The following TP53I13 variants were observed in gnomAD, a reference collection of about 807,000 sequenced individuals.
TP53I13 encodes tumor protein p53-inducible protein 13.
Under a neutral mutation model 39.1 loss-of-function variants are expected in TP53I13, and 27 were observed. The ratio of observed to expected loss-of-function variants is 0.69; its 90% CI spans 0.51 to 0.95. The LOEUF (loss-of-function observed/expected upper bound fraction) is 0.95. Ranked by LOEUF, TP53I13 falls within the 40% of genes least tolerant of loss-of-function variation. The pLI is 0.00. For missense variants in TP53I13, 544 were observed against 520.4 expected, an observed-to-expected ratio of 1.05 and a Z score of -0.44; for synonymous variants, 230 against 224.6, an observed-to-expected ratio of 1.02 and a Z score of -0.22.
At chr17:29,576,776 C>T (rs1175476329), downstream of TP53I13, 8 of 1,576,966 alleles carry the variant, frequency 5.1e-6, no homozygotes, top group South Asian at 7.9e-5. Flanking sequence ...GTCCCTCAGG[C>T]CCCTGGGCTA....
intron 6 of TP53I13, 43 bp downstream of exon 6, chr17:29,572,740 C>T: frequency 1.3e-6 from 2 of 1,492,412 alleles, no homozygotes; most frequent in Non-Finnish European, 1.8e-6. Flanking sequence ...CCCCGCCCCA[C>T]CTCGCGTCGC....
chr17:29,577,967 A>G (rs614334), downstream of TP53I13, among the ~76,000 whole-genome samples: 114,677 of 152,248 alleles, frequency 0.75, 43,510 homozygotes, highest in East Asian at 0.92. Flanking sequence ...CACTCATCCA[A>G]ACCCAGAGTT....
downstream of TP53I13, chr17:29,576,192 C>G: frequency 6.2e-7 from 1 of 1,608,938 alleles, no homozygotes; most frequent in Non-Finnish European, 8.5e-7. Context: ...CCCATCTCCC[C>G]ACACCTTGAG....
At chr17:29,569,675 T>C (rs2032852360) in intron 3 of TP53I13, 1 of 315,150 alleles carries the variant, frequency 3.2e-6, no homozygotes, top group South Asian at 5.2e-5. Context: ...AGGCTCCAGC[T>C]CCCTGAGGAG....
chr17:29,578,769 A>G, the TP53I13 span: 10 of 1,614,124 alleles, frequency 6.2e-6, no homozygotes, highest in East Asian at 2.2e-5. Flanking sequence ...GCCAATTCGG[A>G]TAAGTCAAGG....
rs1369642982 is a variant in TP53I13, at chr17:29,568,957, G to A, written c.73-61G>A. Reference sequence around the variant, plus strand: ...TCTTCCGCTGGCGGGCTGGGCCTGGGGAGAGAGAGGGCAGGGCCTCGCCGC... The same window carrying A: ...TCTTCCGCTGGCGGGCTGGGCCTGGAGAGAGAGAGGGCAGGGCCTCGCCGC... On this transcript the variant is annotated intron_variant, in intron 1 of 6. Transcript: ENST00000301057. This position sits in a 1 kb window ranked among gnomAD's most constrained non-coding sequence, Gnocchi z 4.5. 1.1e-5 allele frequency: 17 copies of A among 1,591,692 alleles called. No individual in the cohort carries two copies. Among genetic ancestry groups the A allele is most frequent in the Admixed American group, 3.5e-5 (2 of 57,416 alleles).
In TP53I13 at chr17:29,572,216, G is replaced by T; in HGVS notation, c.588G>T (p.Gln196His). Residue 196 changes from glutamine to histidine, a missense_variant, in exon 6 of 7, where the codon CAG (glutamine) becomes CAT (histidine). By Grantham distance (24) the Gln-to-His change is conservative (BLOSUM62 0). Transcript: ENST00000301057. ...GTEVTSQGPR[Q>H]PSSSGAKRRR... ...AGGTGACATCTCAAGGGCCCAGGCAGCCCTCTTCTAGTGGTGCCAAGAGGC... is the reference window on the plus strand; with the variant it reads ...AGGTGACATCTCAAGGGCCCAGGCATCCCTCTTCTAGTGGTGCCAAGAGGC... 1 of 1,612,026 alleles carries T rather than the reference G, an allele frequency of 6.2e-7. No homozygotes were observed. Among genetic ancestry groups the T allele is most frequent in the South Asian group, 1.1e-5 (1 of 91,052 alleles).
the TP53I13 span, among the ~76,000 whole-genome samples, chr17:29,580,783 T>C: frequency 8.6e-5 from 13 of 151,824 alleles, no homozygotes; most frequent in South Asian, 1.0e-3. Flanking sequence ...TTTCTTTTTT[T>C]TTTTTTTGAG....
In TP53I13 at chr17:29,571,957, G is replaced by C. The variant is rs778848875; in HGVS notation, c.413G>C (p.Arg138Thr). Residue 138 changes from arginine to threonine, a missense_variant, in exon 5 of 7, where the codon AGG becomes ACG. Transcript: ENST00000301057. Reference protein sequence around the residue: ...WLMRRRRRKQRKKKAWIYCES... With the variant: ...WLMRRRRRKQTKKKAWIYCES... ...ATGAGGAGGCGGAGGAGGAAGCAGA[G>C]GAAGAAGAAGGCATGGATCTACTGT... 6.2e-7 allele frequency: 1 copy of C among 1,613,154 alleles called. No individual in the cohort carries two copies. The highest frequency in any genetic ancestry group is 1.3e-5 in the African/African-American group (1 of 75,030).
In TP53I13 at chr17:29,572,811, G is replaced by A; in HGVS notation, c.1070-1G>A. On this transcript the variant is annotated splice_acceptor_variant, in intron 6 of 6. Coordinates refer to ENST00000301057, the MANE Select transcript of TP53I13 (RefSeq NM_138349.4). LOFTEE classifies it high-confidence loss of function. ...TTGACTGCTCGGCGCCCGGCCCACA[G>A]CTGTGCTGAAGCGGAGGCTGCTGCA... is the stretch of plus-strand genomic sequence containing the variant. 1 of 1,490,774 alleles carries A rather than the reference G, an allele frequency of 6.7e-7. No homozygotes were observed. The highest frequency in any genetic ancestry group is 8.9e-7 in the Non-Finnish European group (1 of 1,119,068). The allele number at this position is 1,490,774 out of a possible 1,614,324, so 92.3% of individuals were successfully genotyped here.
Position 29,572,523 on chromosome 17 carries a change from G to A in TP53I13, c.895G>A (p.Ala299Thr). The A allele has an allele frequency of 6.2e-7, 1 of 1,605,518 alleles. No homozygotes were observed. Among genetic ancestry groups the A allele is most frequent in the Non-Finnish European group, 8.5e-7 (1 of 1,176,724 alleles). ...CCCTCGCGCAGCAGCGCCTCCACGG[G>A]CAGCCCGGGGCCCCACCCCACGCAC... ...PAPRAAAPPR[A>T]ARGPTPRTEE... Residue 299 changes from alanine to threonine, a missense_variant, in exon 6 of 7, where the codon GCA becomes ACA. Transcript: ENST00000301057.
downstream of TP53I13, chr17:29,575,583 C>T (rs779012963): frequency 1.4e-5 from 22 of 1,586,568 alleles, no homozygotes; most frequent in African/African-American, 2.7e-5. This position sits in a 1 kb window ranked among gnomAD's most constrained non-coding sequence, Gnocchi z 5.5. Context: ...TCAACCTCCC[C>T]GCCTCGGCAT....
intron 3 of TP53I13, chr17:29,569,649 T>C (rs142909688): frequency 9.1e-4 from 298 of 325,922 alleles, no homozygotes; most frequent in African/African-American, 5.6e-3. Context: ...TCTCTGAGAG[T>C]AGCTGGAAAA....
chr17:29,577,115 C>A (rs1292916056), downstream of TP53I13: 3 of 1,610,004 alleles, frequency 1.9e-6, no homozygotes, highest in Non-Finnish European at 2.5e-6. Flanking sequence ...CTTCCCACAC[C>A]CTCCCACACA....
chr17:29,575,459 T>G (rs371029193), downstream of TP53I13: 1 of 1,606,162 alleles, frequency 6.2e-7, no homozygotes, highest in African/African-American at 1.3e-5. This position sits in a 1 kb window ranked among gnomAD's most constrained non-coding sequence, Gnocchi z 5.5. Context: ...TAGAAACCTC[T>G]TCCCTTCCAG....
At chr17:29,581,435 C>T in the TP53I13 span, 1 of 1,372,918 alleles carries the variant, frequency 7.3e-7, no homozygotes, top group Non-Finnish European at 1.0e-6. The surrounding 1 kb of genome is among the most constrained non-coding windows in gnomAD (Gnocchi z 4.8). Flanking sequence ...GCCTCAGCAG[C>T]TGGGAGCCCA....
chr17:29,576,660 C>G (rs143219325), downstream of TP53I13: 4 of 1,613,826 alleles, frequency 2.5e-6, no homozygotes, highest in Non-Finnish European at 3.4e-6. Context: ...CAGACAAGTC[C>G]GAGGAGTCCA....
chr17:29,577,109 C>G, downstream of TP53I13: 1 of 1,609,170 alleles, frequency 6.2e-7, no homozygotes, highest in Non-Finnish European at 8.5e-7. Context: ...CGCCTGCTTC[C>G]CACACCCTCC....
chr17:29,573,061 C>T lies in TP53I13; in HGVS notation c.*137C>T. On this transcript the variant is annotated 3_prime_UTR_variant, in exon 7 of 7. Transcript: ENST00000301057. ...GGCCGAGCACTGCGGGGGCTTTCCTCCTTGTTGGTTGCTGAGTGGGCGGCC... is the reference window on the plus strand; with the variant it reads ...GGCCGAGCACTGCGGGGGCTTTCCTTCTTGTTGGTTGCTGAGTGGGCGGCC... The T allele has an allele frequency of 4.5e-6, 3 of 668,594 alleles. No homozygotes were observed. The highest frequency in any genetic ancestry group is 6.6e-6 in the Non-Finnish European group (3 of 456,006). 41.4% of individuals were successfully genotyped at this position (668,594 alleles called of 1,614,324 possible). A position where few individuals can be genotyped will look rare whatever the true frequency, so the allele number is the denominator to read the frequency against.
Sources: allele counts gnomAD v4.1 joint callset (sites outside exome capture counted in the v4.1 genomes callset), GRCh38; gene constraint gnomAD v4.1.1; non-coding constraint Gnocchi (gnomAD v3.1); transcripts MANE v1.5; gene names NCBI Gene and HGNC (gene_info 2026-07-23, HGNC 2026-07-21).